Variants in INPP4B observed in about 807,000 individuals in gnomAD.
The protein encoded by INPP4B is inositol polyphosphate 4-phosphatase type II.
INPP4B carries 55 observed loss-of-function variants against 122.5 expected under a neutral mutation model. The observed-to-expected ratio is 0.45, with a 90% CI of 0.36 to 0.56. The LOEUF is 0.56. INPP4B is among the 20% of genes least tolerant of loss of function. The pLI, the probability that INPP4B is intolerant of heterozygous loss-of-function variation, is 0.00. For missense variants in INPP4B, 1,000 were observed against 1,097.7 expected, an observed-to-expected ratio of 0.91 and a Z score of 1.26; for synonymous variants, 403 against 388.7, an observed-to-expected ratio of 1.04 and a Z score of -0.43.
In INPP4B at chr4:142,158,094, A is replaced by T. The variant is rs116697703; in HGVS notation, c.1563+2264T>A. ...AGCCTTTGGAATATAACATGCTCAAATTTCACTCACTTTAAAACAAAACAT... is the reference window on the plus strand; with the variant it reads ...AGCCTTTGGAATATAACATGCTCAATTTTCACTCACTTTAAAACAAAACAT... On this transcript the variant is annotated intron_variant, in intron 17 of 25. Transcript: ENST00000262992. 5.4e-3 allele frequency among the ~76,000 whole-genome samples: 828 copies of T among 152,120 alleles called. 9 individuals carry two copies. The highest frequency in any genetic ancestry group is 0.019 in the African/African-American group (796 of 41,508).
chr4:142,785,020 T>A (rs911286583), intron 1 of INPP4B, among the ~76,000 whole-genome samples: 1 of 152,110 alleles, frequency 6.6e-6, no homozygotes, highest in African/African-American at 2.4e-5. Flanking sequence ...CTCAAACCTG[T>A]ACAGCAATGT....
At chr4:142,098,822 G>A (rs1783219346) in intron 23 of INPP4B, among the ~76,000 whole-genome samples, 1 of 152,086 alleles carries the variant, frequency 6.6e-6, no homozygotes, top group African/African-American at 2.4e-5. Flanking sequence ...GGCTGGAGAT[G>A]TAGATATGAA....
intron 2 of INPP4B, among the ~76,000 whole-genome samples, chr4:142,464,281 A>G (rs1817303845): frequency 2.0e-5 from 3 of 152,160 alleles, no homozygotes; most frequent in African/African-American, 7.2e-5. Flanking sequence ...ATCAGTTACT[A>G]TCTTTTATAA....
At chr4:142,206,231 C>T (rs547388754) in intron 14 of INPP4B, among the ~76,000 whole-genome samples, 1 of 152,148 alleles carries the variant, frequency 6.6e-6, no homozygotes, top group South Asian at 2.1e-4. Context: ...AAATGCCTCC[C>T]CTTAGGTCTC....
At chr4:142,757,880 T>C (rs1232640277) in intron 1 of INPP4B, among the ~76,000 whole-genome samples, 1 of 152,170 alleles carries the variant, frequency 6.6e-6, no homozygotes, top group Non-Finnish European at 1.5e-5. Context: ...CAGCAATGAA[T>C]GAAAGTTCCT....
chr4:142,691,307 C>T (rs1760132785), intron 2 of INPP4B, among the ~76,000 whole-genome samples: 1 of 151,182 alleles, frequency 6.6e-6, no homozygotes, highest in Non-Finnish European at 1.5e-5. Flanking sequence ...ACAGTGGGTC[C>T]AAAATGCCGA....
intron 2 of INPP4B, among the ~76,000 whole-genome samples, chr4:142,624,255 C>A (rs1033117131): frequency 2.6e-5 from 4 of 151,868 alleles, no homozygotes; most frequent in Non-Finnish European, 5.9e-5. Flanking sequence ...TTAATGATTG[C>A]CATTCTAACT....
At chr4:142,214,473 G>A (rs563544941) in intron 12 of INPP4B, among the ~76,000 whole-genome samples, 1 of 152,210 alleles carries the variant, frequency 6.6e-6, no homozygotes, top group Non-Finnish European at 1.5e-5. Flanking sequence ...CATTTATAAA[G>A]GGGTTGATTA....
intron 9 of INPP4B, among the ~76,000 whole-genome samples, chr4:142,286,276 A>C (rs7684870): frequency 0.074 from 11,221 of 152,236 alleles, 1,339 homozygotes; most frequent in African/African-American, 0.26. Context: ...AACATTATTT[A>C]GAGATTTCCG....
At chr4:142,195,364 A>G (rs1455546482) in intron 14 of INPP4B, among the ~76,000 whole-genome samples, 1 of 152,200 alleles carries the variant, frequency 6.6e-6, no homozygotes, top group Non-Finnish European at 1.5e-5. Flanking sequence ...TGTATAACAT[A>G]GTGCCTATAG....
chr4:142,657,816 C>T (rs1360336206), intron 2 of INPP4B, among the ~76,000 whole-genome samples: 3 of 152,178 alleles, frequency 2.0e-5, no homozygotes, highest in Non-Finnish European at 4.4e-5. Flanking sequence ...AATTCTATTT[C>T]ATAATATCAA....
intron 15 of INPP4B, among the ~76,000 whole-genome samples, chr4:142,178,876 G>T (rs577212705): frequency 6.6e-6 from 1 of 150,684 alleles, no homozygotes; most frequent in East Asian, 2.0e-4. Flanking sequence ...CCAGAGGAAG[G>T]AATATATATG....
At chr4:142,722,618 A>G (rs1177867877) in intron 2 of INPP4B, among the ~76,000 whole-genome samples, 1 of 152,180 alleles carries the variant, frequency 6.6e-6, no homozygotes, top group East Asian at 1.9e-4. Context: ...GCTTCTTTTC[A>G]TGTAAATTTT....
At chr4:142,833,907 A>G (rs1782474050) in intron 1 of INPP4B, among the ~76,000 whole-genome samples, 1 of 152,176 alleles carries the variant, frequency 6.6e-6, no homozygotes. Flanking sequence ...CTGGTGGGAA[A>G]TTTATAACAC....
At chr4:142,298,455 G>A (rs1274626541) in intron 9 of INPP4B, among the ~76,000 whole-genome samples, 1 of 129,650 alleles carries the variant, frequency 7.7e-6, no homozygotes, top group Non-Finnish European at 1.6e-5. Context: ...GGGAGGCCGA[G>A]TTGGGTAGAT....
intron 2 of INPP4B, among the ~76,000 whole-genome samples, chr4:142,547,023 C>T (rs1242930056): frequency 2.0e-5 from 3 of 151,726 alleles, no homozygotes; most frequent in African/African-American, 7.3e-5. Flanking sequence ...ATATTTTGAC[C>T]ATTTGTTTCA....
chr4:142,073,875 G>A lies in INPP4B; in HGVS notation c.2642+8156C>T, dbSNP rs1255486078. Among the ~76,000 whole-genome samples, 7 of 152,062 alleles carry A rather than the reference G, an allele frequency of 4.6e-5. No individual in the cohort carries two copies. In the East Asian group the frequency reaches 1.4e-3, roughly 30 times the overall value. On this transcript the variant is annotated intron_variant, in intron 25 of 25. Coordinates refer to ENST00000262992, the MANE Select transcript of INPP4B (RefSeq NM_001101669.3). ...TTTAGTGAAAATGAGACCTTTCTTG[G>A]ACTAGTTCTTGCTACACCTCATTTT...
At chr4:142,188,983 C>T (rs1027095678) in intron 15 of INPP4B, among the ~76,000 whole-genome samples, 5 of 152,130 alleles carry the variant, frequency 3.3e-5, no homozygotes, top group African/African-American at 4.8e-5. Flanking sequence ...CCTGGTTTAT[C>T]GGATGTCTAC....
At chr4:142,829,023 TC>T (rs1781780983) in intron 1 of INPP4B, among the ~76,000 whole-genome samples, 1 of 146,012 alleles carries the variant, frequency 6.8e-6, no homozygotes, top group Non-Finnish European at 1.5e-5. Context: ...CATAGGTAGA[TC>T]AGAGGGAGGA....
Sources: gnomAD v4.1 joint callset for allele counts (sites outside exome capture counted in the v4.1 genomes callset) on GRCh38, gnomAD v4.1.1 for gene constraint, MANE v1.5 for transcripts, NCBI Gene and HGNC (gene_info 2026-07-23, HGNC 2026-07-21) for gene names.